The following WDR7 variants were observed in gnomAD, a reference collection of about 807,000 sequenced individuals.
The protein encoded by WDR7 is WD repeat-containing protein 7.
Under a neutral mutation model 169.4 loss-of-function variants are expected in WDR7, and 46 were observed. The ratio of observed to expected loss-of-function variants is 0.27; its 90% CI spans 0.21 to 0.35. The LOEUF (loss-of-function observed/expected upper bound fraction) is 0.35. Among genes scored for constraint, WDR7 ranks in the 10% least tolerant of loss-of-function variants. The probability of loss-of-function intolerance (pLI) is 1.00; values close to 1 mark genes in which losing one functional copy is unlikely to be tolerated. For synonymous variants in WDR7, 612 were observed against 666.8 expected (o/e 0.92, Z 1.27); for missense variants, 1,534 against 1,859.3 (o/e 0.83, Z 3.22).
At chr18:56,679,845 T>G (rs1285687432) in intron 3 of WDR7, among the ~76,000 whole-genome samples, 1 of 152,208 alleles carries the variant, frequency 6.6e-6, no homozygotes, top group Non-Finnish European at 1.5e-5. Context: ...TATATTGATA[T>G]GTATTAATAC....
At chr18:56,769,145 G>A (rs2044113450) in intron 16 of WDR7, among the ~76,000 whole-genome samples, 1 of 151,352 alleles carries the variant, frequency 6.6e-6, no homozygotes, top group Non-Finnish European at 1.5e-5. Context: ...AAAGGGATTA[G>A]AGTTATCAAA....
At chr18:56,692,454 T>A (rs901172513) in intron 9 of WDR7, among the ~76,000 whole-genome samples, 32 of 147,600 alleles carry the variant, frequency 2.2e-4, no homozygotes, top group African/African-American at 6.7e-4. Flanking sequence ...TTTTTTTTTT[T>A]AATTGATGTT....
chr18:56,976,318 G>C (rs9949318), intron 26 of WDR7, among the ~76,000 whole-genome samples: 2 of 152,146 alleles, frequency 1.3e-5, no homozygotes, highest in African/African-American at 4.8e-5. Flanking sequence ...TGAGAAAAAG[G>C]ATGTGCTACA....
At position 56,757,204 on chromosome 18, in the gene WDR7, G is replaced by C. The variant is rs1008329918; in HGVS notation, c.2611G>C (p.Ala871Pro). ...AACAGAAGTAGGAAGGAAGCTGCCA[G>C]CGTCTGAGGGAGTAGGAAAGGGAAC... is the stretch of plus-strand genomic sequence containing the variant. Reference protein sequence around the residue: ...GKTEVGRKLPASEGVGKGTYG... With the variant: ...GKTEVGRKLPPSEGVGKGTYG... Residue 871 changes from alanine to proline, a missense_variant, in exon 15 of 28, where the codon GCG (alanine) becomes CCG (proline). Ala to Pro is a conservative substitution (Grantham distance 27). Coordinates refer to ENST00000254442, the MANE Select transcript of WDR7 (RefSeq NM_015285.3). The C allele has an allele frequency of 6.2e-7, 1 of 1,613,940 alleles. No homozygotes were observed. The highest frequency in any genetic ancestry group is 8.5e-7 in the Non-Finnish European group (1 of 1,180,004).
chr18:56,665,245 A>T (rs964277899), intron 1 of WDR7, among the ~76,000 whole-genome samples: 1 of 151,268 alleles, frequency 6.6e-6, no homozygotes, highest in Admixed American at 6.6e-5. Context: ...ATGAGCCGAG[A>T]TTGCACCACT....
intron 26 of WDR7, among the ~76,000 whole-genome samples, chr18:57,010,657 GA>G (rs1411726725): frequency 6.6e-6 from 1 of 152,000 alleles, no homozygotes; most frequent in Non-Finnish European, 1.5e-5. Flanking sequence ...AACATGCAAA[GA>G]AAAGACATAT....
At chr18:56,656,147 T>C (rs773226906) in intron 1 of WDR7, among the ~76,000 whole-genome samples, 4 of 152,098 alleles carry the variant, frequency 2.6e-5, no homozygotes, top group Non-Finnish European at 4.4e-5. Flanking sequence ...GTATGGTAAG[T>C]GTATGTTTAG....
intron 26 of WDR7, among the ~76,000 whole-genome samples, chr18:56,986,987 T>C (rs767388862): frequency 5.8e-4 from 88 of 152,140 alleles, no homozygotes; most frequent in Non-Finnish European, 1.1e-3. Context: ...CCTATTGTTA[T>C]GCAAACATTG....
intron 2 of WDR7, 80 bp from the exon 3 acceptor site, chr18:56,679,252 T>G (rs933772960): frequency 1.1e-5 from 13 of 1,199,024 alleles, no homozygotes; most frequent in Non-Finnish European, 1.4e-5. Context: ...TCTTCTATTT[T>G]ACTATGGCTA....
At chr18:57,017,811 G>T (rs960548877) in intron 26 of WDR7, among the ~76,000 whole-genome samples, 2 of 152,166 alleles carry the variant, frequency 1.3e-5, no homozygotes, top group African/African-American at 2.4e-5. Context: ...AGACAATTCA[G>T]GCTGAACTTA....
intron 1 of WDR7, among the ~76,000 whole-genome samples, chr18:56,667,846 A>G (rs145767545): frequency 2.7e-3 from 418 of 152,254 alleles, no homozygotes; most frequent in Non-Finnish European, 4.9e-3. Flanking sequence ...ACCCTTCACC[A>G]TATATTTATT....
chr18:56,849,178 T>G (rs1301384083), intron 20 of WDR7, among the ~76,000 whole-genome samples: 1 of 152,174 alleles, frequency 6.6e-6, no homozygotes, highest in Non-Finnish European at 1.5e-5. Context: ...TAACCTTGTG[T>G]AATCTGGTCT....
At chr18:56,944,394 A>G (rs888658929) in intron 25 of WDR7, among the ~76,000 whole-genome samples, 4 of 152,054 alleles carry the variant, frequency 2.6e-5, no homozygotes, top group Admixed American at 6.6e-5. Flanking sequence ...TTTGATAGTT[A>G]TTTATCAGGT....
At chr18:56,834,200 GC>G (rs1389133355) in intron 20 of WDR7, among the ~76,000 whole-genome samples, 1 of 152,170 alleles carries the variant, frequency 6.6e-6, no homozygotes, top group African/African-American at 2.4e-5. Context: ...TCTACTAGGT[GC>G]CAGCAAGGTG....
At chr18:56,871,322 A>G (rs2045949985) in intron 20 of WDR7, among the ~76,000 whole-genome samples, 1 of 152,172 alleles carries the variant, frequency 6.6e-6, no homozygotes, top group Non-Finnish European at 1.5e-5. Flanking sequence ...GCTCTAAAAA[A>G]CCATAATAGA....
chr18:56,746,122 T>TA (rs2043698980), intron 14 of WDR7, among the ~76,000 whole-genome samples: 2 of 152,194 alleles, frequency 1.3e-5, no homozygotes, highest in African/African-American at 2.4e-5. Context: ...GGGAGACAGT[T>TA]TACTGCATTG....
chr18:56,753,631 C>T (rs1157230014), intron 14 of WDR7, among the ~76,000 whole-genome samples: 14 of 138,494 alleles, frequency 1.0e-4, no homozygotes, highest in Non-Finnish European at 2.2e-4. Context: ...GGACAACTGA[C>T]AAATTGTCAA....
intron 11 of WDR7, 113 bp downstream of exon 11, chr18:56,695,311 G>T: frequency 1.5e-6 from 2 of 1,366,910 alleles, no homozygotes; most frequent in South Asian, 2.9e-5. Context: ...GTAGTTAGTT[G>T]TTGGGGTGCT....
chr18:56,707,037 A>C, intron 12 of WDR7, among the ~76,000 whole-genome samples: 1 of 150,320 alleles, frequency 6.7e-6, no homozygotes, highest in East Asian at 2.0e-4. Flanking sequence ...GCTGGAGTGC[A>C]GTGGTGTGAT....
Sources: allele counts gnomAD v4.1 joint callset (sites outside exome capture counted in the v4.1 genomes callset), GRCh38; gene constraint gnomAD v4.1.1; transcripts MANE v1.5; gene names NCBI Gene and HGNC (gene_info 2026-07-23, HGNC 2026-07-21).